Variants in SAMMSON observed in about 807,000 individuals in gnomAD.
SAMMSON encodes the protein survival associated mitochondrial melanoma specific oncogenic non-coding RNA.
At chr3:70,149,094 A>G (rs1404963147) in intron 4 of SAMMSON, among the ~76,000 whole-genome samples, 2 of 152,104 alleles carry the variant, frequency 1.3e-5, no homozygotes, top group Non-Finnish European at 2.9e-5. Context: ...CAGGCTAGTT[A>G]GAAGTTCTGA....
At chr3:70,136,568 T>A (rs915558734) in intron 4 of SAMMSON, among the ~76,000 whole-genome samples, 1 of 152,244 alleles carries the variant, frequency 6.6e-6, no homozygotes, top group African/African-American at 2.4e-5. Flanking sequence ...GGTTCTTGAA[T>A]GCTTGACGTA....
chr3:70,175,172 A>G (rs6549288), intron 4 of SAMMSON, among the ~76,000 whole-genome samples: 70,914 of 151,964 alleles, frequency 0.47, 17,575 homozygotes, highest in Non-Finnish European at 0.52. Context: ...TCCTCTGCTA[A>G]TGATATGAAT....
intron 2 of SAMMSON, among the ~76,000 whole-genome samples, chr3:70,419,663 G>A (rs1333424471): frequency 6.6e-6 from 1 of 152,150 alleles, no homozygotes; most frequent in East Asian, 1.9e-4. Context: ...TTTTGAGACT[G>A]AGTCCCGCTC....
At chr3:70,238,289 G>A (rs1701632688) in intron 4 of SAMMSON, among the ~76,000 whole-genome samples, 1 of 151,902 alleles carries the variant, frequency 6.6e-6, no homozygotes, top group Non-Finnish European at 1.5e-5. Context: ...TGGGTAGACA[G>A]AGCCATTTTT....
chr3:70,364,361 A>G (rs1457398056), intron 9 of SAMMSON, among the ~76,000 whole-genome samples: 1 of 151,912 alleles, frequency 6.6e-6, no homozygotes, highest in African/African-American at 2.4e-5. Context: ...TGGATATAAA[A>G]ATCTTTGGAT....
At chr3:70,062,533 C>T (rs1180295008) in intron 3 of SAMMSON, among the ~76,000 whole-genome samples, 1 of 152,054 alleles carries the variant, frequency 6.6e-6, no homozygotes, top group East Asian at 1.9e-4. Context: ...AGTGGATGCT[C>T]AGTACATATT....
At chr3:70,002,410 C>T (rs952759668) in intron 1 of SAMMSON, among the ~76,000 whole-genome samples, 16 of 152,092 alleles carry the variant, frequency 1.1e-4, no homozygotes, top group Admixed American at 7.2e-4. Context: ...AGGTAATTCT[C>T]GTTGAATTTA....
intron 2 of SAMMSON, among the ~76,000 whole-genome samples, chr3:70,427,925 A>G (rs1043229233): frequency 3.3e-5 from 5 of 152,186 alleles, no homozygotes; most frequent in African/African-American, 1.2e-4. Context: ...ATTTAGAACC[A>G]GTTGTATTTC....
At chr3:70,210,453 A>C (rs1000210173) in intron 4 of SAMMSON, among the ~76,000 whole-genome samples, 1 of 152,146 alleles carries the variant, frequency 6.6e-6, no homozygotes, top group Non-Finnish European at 1.5e-5. Flanking sequence ...GAAGTGAGTC[A>C]CAATTTTTGG....
chr3:70,301,073 G>A (rs9864250), intron 7 of SAMMSON, among the ~76,000 whole-genome samples: 31,540 of 151,904 alleles, frequency 0.21, 3,468 homozygotes, highest in South Asian at 0.28. Flanking sequence ...AAAAGACGAT[G>A]TTAGCTATTT....
At chr3:70,348,041 T>C (rs547009048) in intron 7 of SAMMSON, among the ~76,000 whole-genome samples, 142 of 152,126 alleles carry the variant, frequency 9.3e-4, no homozygotes, top group African/African-American at 3.2e-3. Context: ...AGACTCTGTC[T>C]TGAAAGGGAA....
At chr3:70,169,589 A>G (rs1403197896) in intron 4 of SAMMSON, among the ~76,000 whole-genome samples, 1 of 151,888 alleles carries the variant, frequency 6.6e-6, no homozygotes, top group Non-Finnish European at 1.5e-5. Context: ...TTCAAAAGAA[A>G]ATTGAAGCTA....
intron 7 of SAMMSON, among the ~76,000 whole-genome samples, chr3:70,303,617 C>T (rs148485638): frequency 0.014 from 2,152 of 152,194 alleles, 17 homozygotes; most frequent in Non-Finnish European, 0.021. Context: ...TCTCAAAAAC[C>T]GATAAAGCTC....
intron 4 of SAMMSON, among the ~76,000 whole-genome samples, chr3:70,171,007 A>T (rs1700938698): frequency 6.6e-6 from 1 of 151,870 alleles, no homozygotes; most frequent in Non-Finnish European, 1.5e-5. Flanking sequence ...AGCTTCTAGA[A>T]ACATATGGAC....
chr3:70,286,365 T>C (rs1702162643), intron 6 of SAMMSON, among the ~76,000 whole-genome samples: 1 of 152,136 alleles, frequency 6.6e-6, no homozygotes, highest in Admixed American at 6.5e-5. Context: ...GATCAGATAG[T>C]TGTAGATATG....
At chr3:70,039,301 G>A (rs1453875495) in intron 3 of SAMMSON, among the ~76,000 whole-genome samples, 1 of 152,112 alleles carries the variant, frequency 6.6e-6, no homozygotes, top group Non-Finnish European at 1.5e-5. Context: ...CTAATTTTAT[G>A]TGCCAACTTA....
intron 4 of SAMMSON, among the ~76,000 whole-genome samples, chr3:70,180,403 C>T (rs1701043314): frequency 6.6e-6 from 1 of 151,858 alleles, no homozygotes; most frequent in Non-Finnish European, 1.5e-5. Flanking sequence ...ATATGTGTAA[C>T]TGTATATACT....
At chr3:70,126,423 G>T in intron 4 of SAMMSON, 1 of 741,798 alleles carries the variant, frequency 1.3e-6, no homozygotes. Context: ...GTATGTTTCA[G>T]CTGCCCCTTA....
At chr3:70,315,856 G>C (rs568297203) in intron 7 of SAMMSON, among the ~76,000 whole-genome samples, 24 of 152,038 alleles carry the variant, frequency 1.6e-4, no homozygotes, top group Non-Finnish European at 2.6e-4. Context: ...AGGCAAATCT[G>C]ATTAGAATCC....
Sources: gnomAD v4.1 joint callset for allele counts (sites outside exome capture counted in the v4.1 genomes callset) on GRCh38, gnomAD v4.1.1 for gene constraint, MANE v1.5 for transcripts, NCBI Gene and HGNC (gene_info 2026-07-23, HGNC 2026-07-21) for gene names.